AKAP6: variants seen among roughly 807,000 people sequenced by gnomAD.
The protein encoded by AKAP6 is A-kinase anchor protein 6.
AKAP6 carries 58 observed loss-of-function variants against 188.5 expected under a neutral mutation model. The ratio of observed to expected loss-of-function variants is 0.31; its 90% CI spans 0.25 to 0.38. The LOEUF (loss-of-function observed/expected upper bound fraction) is 0.38, where lower values mean the gene tolerates loss of function less well. Among genes scored for constraint, AKAP6 ranks in the 10% least tolerant of loss-of-function variants. The pLI is 1.00. For synonymous variants in AKAP6, 989 were observed against 998.6 expected (o/e 0.99, Z 0.18); for missense variants, 2,710 against 2,740.0 (o/e 0.99, Z 0.24).
intron 12 of AKAP6, among the ~76,000 whole-genome samples, chr14:32,819,213 AT>A (rs1339535773): frequency 6.6e-6 from 1 of 152,198 alleles, no homozygotes; most frequent in African/African-American, 2.4e-5. Flanking sequence ...CCCTTAATTA[AT>A]GTTTAGCTTG....
chr14:32,763,517 G>T (rs1439128621), intron 11 of AKAP6, among the ~76,000 whole-genome samples: 1 of 152,046 alleles, frequency 6.6e-6, no homozygotes, highest in African/African-American at 2.4e-5. Flanking sequence ...GAATAGTTTT[G>T]TAGTATATGA....
At chr14:32,538,397 G>A (rs1882778410) in intron 3 of AKAP6, among the ~76,000 whole-genome samples, 2 of 152,110 alleles carry the variant, frequency 1.3e-5, no homozygotes, top group African/African-American at 4.8e-5. Context: ...AGTAAAGGAA[G>A]ATTCATTTTT....
Position 32,822,040 on chromosome 14 carries a change from A to G in AKAP6, c.4227A>G (p.Leu1409=), listed in dbSNP as rs569258035. 27 of 1,613,990 alleles carry G rather than the reference A, an allele frequency of 1.7e-5. No individual in the cohort carries two copies. Among genetic ancestry groups the G allele is most frequent in the Non-Finnish European group, 2.3e-5 (27 of 1,179,942 alleles). The change falls in exon 13 of 14, where the codon TTA becomes TTG. Residue 1409 remains leucine, a synonymous_variant. Transcript: ENST00000280979. ...AAATGGGAGATGCAGTTAACGTGTT[A>G]AAGCAAAAATTTACAGATGAGGGGG... ...DPQMGDAVNV[L]KQKFTDEGES... is the part of the protein sequence containing the mutation.
At chr14:32,623,665 C>T (rs926350742) in intron 7 of AKAP6, among the ~76,000 whole-genome samples, 2 of 152,016 alleles carry the variant, frequency 1.3e-5, no homozygotes, top group Non-Finnish European at 1.5e-5. Flanking sequence ...GACAGAGAAC[C>T]GTGGCATAAT....
At chr14:32,434,168 C>T (rs1040739538) in intron 2 of AKAP6, among the ~76,000 whole-genome samples, 4 of 152,126 alleles carry the variant, frequency 2.6e-5, no homozygotes, top group Admixed American at 2.6e-4. Context: ...ATATCAAATG[C>T]AGCTGTGATT....
chr14:32,798,638 A>T (rs1419030694), intron 12 of AKAP6, among the ~76,000 whole-genome samples: 1 of 152,170 alleles, frequency 6.6e-6, no homozygotes, highest in Non-Finnish European at 1.5e-5. Flanking sequence ...ACCACATACC[A>T]CAATGTTCTT....
At chr14:32,431,963 A>G (rs1392523841) in intron 1 of AKAP6, among the ~76,000 whole-genome samples, 5 of 151,812 alleles carry the variant, frequency 3.3e-5, no homozygotes, top group Non-Finnish European at 7.4e-5. Flanking sequence ...TTTTATTTCC[A>G]CTCCTCATTC....
chr14:32,821,333 T>C, intron 12 of AKAP6, 69 bp from the exon 13 acceptor site: 2 of 1,497,942 alleles, frequency 1.3e-6, no homozygotes, highest in Non-Finnish European at 8.9e-7. Context: ...TGAGAGATTT[T>C]CAATGGATAA....
chr14:32,625,445 A>G (rs909409627), intron 7 of AKAP6, among the ~76,000 whole-genome samples: 1 of 152,072 alleles, frequency 6.6e-6, no homozygotes, highest in Admixed American at 6.6e-5. Context: ...CTCTCTTGAC[A>G]GCTATAAATG....
rs540219154 is a variant in AKAP6, at chr14:32,466,233, C to T, written c.324+32416C>T. ...CAACAGTCCCATTACTGGGTAAATA[C>T]CCAAAGGATTATAAATCATTCTTGT... On this transcript the variant is annotated intron_variant, in intron 2 of 13. Coordinates refer to ENST00000280979, the MANE Select transcript of AKAP6 (RefSeq NM_004274.5). 3.0e-3 allele frequency among the ~76,000 whole-genome samples: 452 copies of T among 152,320 alleles called. 5 individuals are homozygous for T. The highest frequency in any genetic ancestry group is 9.6e-3 in the African/African-American group (399 of 41,562).
intron 1 of AKAP6, among the ~76,000 whole-genome samples, chr14:32,430,019 G>T (rs1392281381): frequency 6.6e-6 from 1 of 152,170 alleles, no homozygotes; most frequent in Non-Finnish European, 1.5e-5. Context: ...CCTCTGGGAA[G>T]AATTAACAAC....
Position 32,568,601 on chromosome 14 carries a change from G to A in AKAP6, c.2347-8519G>A, listed in dbSNP as rs567376856. On this transcript the variant is annotated intron_variant, in intron 4 of 13. Coordinates refer to ENST00000280979, the MANE Select transcript of AKAP6 (RefSeq NM_004274.5). This position sits in a 1 kb window ranked among gnomAD's most constrained non-coding sequence, Gnocchi z 6.2. Reference sequence around the variant, plus strand: ...CTTATCCAGTGTCTTGGAGGATTGGGGGTGCTTGAAGCAAGGTCTCACCTA... The same window carrying A: ...CTTATCCAGTGTCTTGGAGGATTGGAGGTGCTTGAAGCAAGGTCTCACCTA... Among the ~76,000 whole-genome samples, 38 of 152,182 alleles carry A rather than the reference G, an allele frequency of 2.5e-4. No homozygotes were observed. Among genetic ancestry groups the A allele is most frequent in the South Asian group, 6.2e-4 (3 of 4,818 alleles).
At chr14:32,503,848 T>C (rs1880727855) in intron 2 of AKAP6, among the ~76,000 whole-genome samples, 1 of 152,080 alleles carries the variant, frequency 6.6e-6, no homozygotes, top group Non-Finnish European at 1.5e-5. Context: ...TTTGTCTGAC[T>C]ATTCCTATTG....
chr14:32,801,585 A>G (rs1229388632), intron 12 of AKAP6, among the ~76,000 whole-genome samples: 1 of 152,124 alleles, frequency 6.6e-6, no homozygotes, highest in Non-Finnish European at 1.5e-5. Flanking sequence ...TACCTTATTT[A>G]TTTCTTCTCT....
intron 12 of AKAP6, among the ~76,000 whole-genome samples, chr14:32,806,325 G>T (rs1340796230): frequency 6.6e-6 from 1 of 152,220 alleles, no homozygotes; most frequent in African/African-American, 2.4e-5. Context: ...TACTTGATAG[G>T]TGAGTCTGCT....
At chr14:32,750,753 T>G (rs796611702) in intron 11 of AKAP6, among the ~76,000 whole-genome samples, 13 of 96,088 alleles carry the variant, frequency 1.4e-4, no homozygotes, top group South Asian at 3.8e-4. Context: ...TTTTTTTTGT[T>G]TTTTTTTCAG....
chr14:32,816,448 A>G (rs2034380372), intron 12 of AKAP6, among the ~76,000 whole-genome samples: 1 of 152,142 alleles, frequency 6.6e-6, no homozygotes, highest in Non-Finnish European at 1.5e-5. Flanking sequence ...CTCCTGCCTC[A>G]GCCTCTCAAA....
At chr14:32,397,386 T>G (rs1358298010) in intron 1 of AKAP6, among the ~76,000 whole-genome samples, 1 of 151,120 alleles carries the variant, frequency 6.6e-6, no homozygotes, top group Non-Finnish European at 1.5e-5. Flanking sequence ...TCTTTTTTTT[T>G]TTTTTTTTTG....
Position 32,535,727 on chromosome 14 carries a change from G to T in AKAP6, c.498G>T (p.Leu166=), listed in dbSNP as rs143299114. The change falls in exon 3 of 14, where the codon CTG becomes CTT. Residue 166 remains leucine, a synonymous_variant. Coordinates refer to ENST00000280979, the MANE Select transcript of AKAP6 (RefSeq NM_004274.5). ...TGCTGGTTCTGCGGGAGCGCATTCT[G>T]CAAGGTCTGCAGGACGCCAATGGCA... ...VSVLVLRERI[L]QGLQDANGNY... is the part of the protein sequence containing the mutation. 6.2e-7 allele frequency: 1 copy of T among 1,614,120 alleles called. No homozygotes were observed. The highest frequency in any genetic ancestry group is 8.5e-7 in the Non-Finnish European group (1 of 1,180,018).
Sources: allele counts gnomAD v4.1 joint callset (sites outside exome capture counted in the v4.1 genomes callset), GRCh38; gene constraint gnomAD v4.1.1; non-coding constraint Gnocchi (gnomAD v3.1); transcripts MANE v1.5; gene names NCBI Gene and HGNC (gene_info 2026-07-23, HGNC 2026-07-21).